The following C1orf185 variants were observed in gnomAD, a reference collection of about 807,000 sequenced individuals.
The protein encoded by C1orf185 is uncharacterized protein C1orf185.
In C1orf185, 13 loss-of-function variants were observed where a neutral mutation model predicts 16.1. The ratio of observed to expected loss-of-function variants is 0.81; its 90% CI spans 0.53 to 1.28. C1orf185 has a LOEUF of 1.28. C1orf185 is among the 50% of genes most tolerant of loss of function. The probability of loss-of-function intolerance (pLI) is 0.00; values close to 1 mark genes in which losing one functional copy is unlikely to be tolerated. For missense variants in C1orf185, 220 were observed against 225.2 expected, an observed-to-expected ratio of 0.98 and a Z score of 0.15; for synonymous variants, 80 against 76.9, an observed-to-expected ratio of 1.04 and a Z score of -0.21.
chr1:51,138,043 G>A (rs1342481904), intron 3 of C1orf185, among the ~76,000 whole-genome samples: 1 of 152,118 alleles, frequency 6.6e-6, no homozygotes, highest in African/African-American at 2.4e-5. Context: ...ACACACTGGG[G>A]CCTATAAGAA....
At chr1:51,113,645 A>G (rs1646139025) in intron 2 of C1orf185, among the ~76,000 whole-genome samples, 1 of 152,212 alleles carries the variant, frequency 6.6e-6, no homozygotes, top group African/African-American at 2.4e-5. Context: ...AGATTGTGCC[A>G]TTGCACTACA....
At chr1:51,115,715 C>T (rs1646152609) in intron 2 of C1orf185, among the ~76,000 whole-genome samples, 1 of 152,196 alleles carries the variant, frequency 6.6e-6, no homozygotes, top group African/African-American at 2.4e-5. Context: ...CTTTATGTCT[C>T]TATGAAGCCT....
chr1:51,128,097 C>T (rs1189084433), intron 3 of C1orf185, among the ~76,000 whole-genome samples: 1 of 151,954 alleles, frequency 6.6e-6, no homozygotes, highest in Non-Finnish European at 1.5e-5. Context: ...CCATGTTGAC[C>T]AGGCTGGATT....
chr1:51,132,896 G>A (rs548633829), intron 3 of C1orf185, among the ~76,000 whole-genome samples: 12 of 152,238 alleles, frequency 7.9e-5, no homozygotes, highest in Non-Finnish European at 1.5e-4. Flanking sequence ...AAGAGATTGG[G>A]GGCCAATATT....
At chr1:51,111,183 A>AG (rs2148010861) in intron 1 of C1orf185, among the ~76,000 whole-genome samples, 1 of 152,112 alleles carries the variant, frequency 6.6e-6, no homozygotes, top group African/African-American at 2.4e-5. Context: ...ATAAGATAAT[A>AG]GGAAAAAAAA....
At position 51,147,451 on chromosome 1, in the gene C1orf185, A is replaced by G. The variant is rs1646408146; in HGVS notation, c.296-16A>G. On this transcript the variant is annotated splice_polypyrimidine_tract_variant and intron_variant, in intron 4 of 4. Transcript: ENST00000371759. ...CTTGTGAATATATAATATTCATAGT[A>G]AATCTGTTTTTACAGCAATTAAAGA... 1.3e-6 allele frequency: 2 copies of G among 1,493,420 alleles called. No individual in the cohort carries two copies. Among genetic ancestry groups the G allele is most frequent in the African/African-American group, 1.4e-5 (1 of 70,914 alleles). 92.5% of individuals were successfully genotyped at this position (1,493,420 alleles called of 1,614,324 possible).
intron 3 of C1orf185, among the ~76,000 whole-genome samples, chr1:51,123,795 T>C (rs1367172205): frequency 6.6e-6 from 1 of 152,206 alleles, no homozygotes; most frequent in African/African-American, 2.4e-5. Context: ...ATTTGCTATC[T>C]ATCTTCTTCG....
intron 3 of C1orf185, among the ~76,000 whole-genome samples, chr1:51,120,076 A>C (rs1646186576): frequency 6.6e-6 from 1 of 152,204 alleles, no homozygotes; most frequent in Admixed American, 6.5e-5. Flanking sequence ...GAAAGAGAAC[A>C]AAGGACATCT....
At chr1:51,104,929 G>C (rs547459051) in intron 1 of C1orf185, among the ~76,000 whole-genome samples, 3 of 151,802 alleles carry the variant, frequency 2.0e-5, no homozygotes, top group African/African-American at 7.2e-5. Flanking sequence ...CTTCTAGATT[G>C]TATGCTCCAT....
chr1:51,145,615 C>A, intron 3 of C1orf185, 109 bp from the exon 4 acceptor site: 1 of 528,440 alleles, frequency 1.9e-6, no homozygotes, highest in Non-Finnish European at 3.0e-6. Context: ...AAACATTTTC[C>A]ATTAAAAAAT....
intron 3 of C1orf185, among the ~76,000 whole-genome samples, chr1:51,124,420 C>T (rs750526138): frequency 1.3e-5 from 2 of 152,152 alleles, no homozygotes; most frequent in Non-Finnish European, 2.9e-5. Flanking sequence ...TGTTGCAGGG[C>T]AGCCGCCTCA....
chr1:51,118,705 G>C lies in C1orf185; in HGVS notation c.162G>C (p.Glu54Asp). ...ATTCCAAATTTAAAGCAATTGATGA[G>C]AGATGCAGGCAAAGACCATCAATGG... ...FQNSKFKAIDERCRQRPSMAK... is the reference protein window; with the variant it reads ...FQNSKFKAIDDRCRQRPSMAK... The change falls in exon 3 of 5, where the codon GAG becomes GAC. Residue 54 changes from glutamate (E) to aspartate (D), a missense_variant. By Grantham distance (45) the Glu-to-Asp change is conservative. Transcript: ENST00000371759. 2.1e-6 allele frequency: 3 copies of C among 1,456,622 alleles called. No individual in the cohort carries two copies. The South Asian group carries it at 4.5e-5, about 22-fold the overall frequency. The allele number at this position is 1,456,622 out of a possible 1,614,324, so 90.2% of individuals were successfully genotyped here.
intron 2 of C1orf185, among the ~76,000 whole-genome samples, chr1:51,117,619 T>G (rs770025415): frequency 6.6e-6 from 1 of 152,192 alleles, no homozygotes; most frequent in Non-Finnish European, 1.5e-5. Flanking sequence ...GTATGTAGCT[T>G]TTAAGATTGA....
At chr1:51,124,424 C>T (rs147699418) in intron 3 of C1orf185, among the ~76,000 whole-genome samples, 62 of 152,208 alleles carry the variant, frequency 4.1e-4, no homozygotes, top group African/African-American at 1.3e-3. Flanking sequence ...GCAGGGCAGC[C>T]GCCTCAAAAC....
In C1orf185 at chr1:51,147,663, C is replaced by G. The variant is rs1646410167; in HGVS notation, c.492C>G (p.Asn164Lys). ...WFSDDSLVKR[N>K]SPMPSLGEPL... is the part of the protein sequence containing the mutation. ...CTGATGATTCTCTAGTGAAAAGGAA[C>G]TCTCCAATGCCTTCTCTCGGGGAAC... Residue 164 changes from asparagine (N) to lysine (K), a missense_variant, in exon 5 of 5, where the codon AAC becomes AAG. Coordinates refer to ENST00000371759, the MANE Select transcript of C1orf185 (RefSeq NM_001136508.2). 8 of 1,551,484 alleles carry G rather than the reference C, an allele frequency of 5.2e-6. No homozygotes were observed. Among genetic ancestry groups the G allele is most frequent in the Non-Finnish European group, 7.0e-6 (8 of 1,146,890 alleles).
chr1:51,122,713 C>G (rs1466373592), intron 3 of C1orf185, among the ~76,000 whole-genome samples: 1 of 152,124 alleles, frequency 6.6e-6, no homozygotes, highest in Non-Finnish European at 1.5e-5. Flanking sequence ...GTTTCATTAT[C>G]CTAAAAGTCC....
chr1:51,136,143 C>T (rs1234537119), intron 3 of C1orf185, among the ~76,000 whole-genome samples: 1 of 152,012 alleles, frequency 6.6e-6, no homozygotes, highest in Non-Finnish European at 1.5e-5. Context: ...AAACACTGCT[C>T]AAAGAAATCA....
At chr1:51,104,565 C>T (rs918982663) in intron 1 of C1orf185, among the ~76,000 whole-genome samples, 8 of 151,892 alleles carry the variant, frequency 5.3e-5, no homozygotes, top group Non-Finnish European at 8.8e-5. Flanking sequence ...TTTGTGTTAA[C>T]GAAGTTATTA....
At chr1:51,141,215 G>A (rs2148031555) in intron 3 of C1orf185, among the ~76,000 whole-genome samples, 1 of 152,310 alleles carries the variant, frequency 6.6e-6, no homozygotes, top group South Asian at 2.1e-4. Context: ...TAAGGCCAGG[G>A]ATGGTGGCTT....
Sources: allele counts gnomAD v4.1 joint callset (sites outside exome capture counted in the v4.1 genomes callset), GRCh38; gene constraint gnomAD v4.1.1; transcripts MANE v1.5; gene names NCBI Gene and HGNC (gene_info 2026-07-23, HGNC 2026-07-21).